ATP5F1B: variants seen among roughly 807,000 people sequenced by gnomAD.
The protein encoded by ATP5F1B is ATP synthase F1 subunit beta.
Under a neutral mutation model 45.9 loss-of-function variants are expected in ATP5F1B, and 17 were observed. That is an observed-to-expected ratio of 0.37 (90% CI 0.25 to 0.56). The LOEUF is 0.56. ATP5F1B is among the 20% of genes least tolerant of loss of function. The pLI, the probability that ATP5F1B is intolerant of heterozygous loss-of-function variation, is 0.80. For missense variants in ATP5F1B, 387 were observed against 673.2 expected, an observed-to-expected ratio of 0.57 and a Z score of 4.70; for synonymous variants, 218 against 256.5, an observed-to-expected ratio of 0.85 and a Z score of 1.43.
At position 56,640,033 on chromosome 12, in the gene ATP5F1B, T is replaced by C. The variant is rs1051700160; in HGVS notation, c.1234A>G (p.Ile412Val). 1.2e-6 allele frequency: 2 copies of C among 1,613,782 alleles called. No individual in the cohort carries two copies. The highest frequency in any genetic ancestry group is 1.7e-6 in the Non-Finnish European group (2 of 1,179,976). ...DSTSRIMDPN[I>V]VGSEHYDVAR... ...ACATCGTAATGCTCACTGCCAACAA[T>C]GTTGGGATCCATGATACGAGAGGTG... The change falls in exon 8 of 10, where the codon ATT (isoleucine) becomes GTT (valine). Residue 412 changes from isoleucine (I) to valine (V), a missense_variant. Coordinates refer to ENST00000262030, the MANE Select transcript of ATP5F1B (RefSeq NM_001686.4).
In ATP5F1B at chr12:56,639,305, G is replaced by A. The variant is rs1171663091; in HGVS notation, c.1290C>T (p.Asp430=). 6.2e-7 allele frequency: 1 copy of A among 1,612,492 alleles called. No individual in the cohort carries two copies. The highest frequency in any genetic ancestry group is 8.5e-7 in the Non-Finnish European group (1 of 1,179,314). The change falls in exon 9 of 10, where the codon GAC becomes GAT. Residue 430 remains aspartate (D), a splice_region_variant and synonymous_variant. Coordinates refer to ENST00000262030, the MANE Select transcript of ATP5F1B (RefSeq NM_001686.4). ...CAATGATATCCTGGAGGGATTTGTAGTCCTATGAGAAAAAAGAAGACTGAG... is the reference window on the plus strand; with the variant it reads ...CAATGATATCCTGGAGGGATTTGTAATCCTATGAGAAAAAAGAAGACTGAG... ...VARGVQKILQ[D]YKSLQDIIAI... is the part of the protein sequence containing the mutation.
chr12:56,642,551 A>C lies in ATP5F1B; in HGVS notation c.981T>G (p.Ser327=). The change falls in exon 7 of 10, where the codon TCT becomes TCG. Residue 327 remains serine (S), a synonymous_variant. Coordinates refer to ENST00000262030, the MANE Select transcript of ATP5F1B (RefSeq NM_001686.4). Reference sequence around the variant, plus strand: ...CCAGGGTAGGCTGATAGCCCACAGCAGAAGGGATTCGGCCCAATAATGCAG... The same window carrying C: ...CCAGGGTAGGCTGATAGCCCACAGCCGAAGGGATTCGGCCCAATAATGCAG... ...EVSALLGRIP[S]AVGYQPTLAT... is the part of the protein sequence containing the mutation. 1 of 1,614,194 alleles carries C rather than the reference A, an allele frequency of 6.2e-7. No individual in the cohort carries two copies. Among genetic ancestry groups the C allele is most frequent in the Non-Finnish European group, 8.5e-7 (1 of 1,180,038 alleles).
In ATP5F1B at chr12:56,643,497, AAC is replaced by A. The variant is rs1391482711; in HGVS notation, c.696_697del (p.Phe233CysfsTer5). On this transcript the variant is annotated frameshift_variant, in exon 5 of 10. Coordinates refer to ENST00000262030, the MANE Select transcript of ATP5F1B (RefSeq NM_001686.4). LOFTEE classifies it high-confidence loss of function. Reference sequence around the variant, plus strand: ...ACGGGTCCTCTCACCAACACCAGCAAACACAGAGTAACCACCATGGGCTTTGG... The same window carrying A: ...ACGGGTCCTCTCACCAACACCAGCAAACAGAGTAACCACCATGGGCTTTGG... 1 of 1,614,152 alleles carries A rather than the reference AAC, an allele frequency of 6.2e-7. No homozygotes were observed. Among genetic ancestry groups the A allele is most frequent in the Non-Finnish European group, 8.5e-7 (1 of 1,180,016 alleles).
chr12:56,640,248 TG>T (rs1951502181), intron 7 of ATP5F1B, 56 bp from the exon 8 acceptor site: 1 of 1,366,242 alleles, frequency 7.3e-7, no homozygotes, highest in African/African-American at 1.4e-5. Flanking sequence ...TTTTTTTTTT[TG>T]AGAGGGTCTC....
At chr12:56,641,473 G>A (rs1329696583) in intron 7 of ATP5F1B, among the ~76,000 whole-genome samples, 1 of 151,382 alleles carries the variant, frequency 6.6e-6, no homozygotes, top group Non-Finnish European at 1.5e-5. Flanking sequence ...TTTACTATAT[G>A]TAAAATTTAT....
In ATP5F1B at chr12:56,645,299, C is replaced by A; in HGVS notation, c.182G>T (p.Gly61Val). The A allele has an allele frequency of 6.2e-7, 1 of 1,614,208 alleles. No homozygotes were observed. The highest frequency in any genetic ancestry group is 8.5e-7 in the Non-Finnish European group (1 of 1,180,018). Residue 61 changes from glycine (G) to valine (V), a missense_variant, in exon 2 of 10, where the codon GGG (glycine) becomes GTG (valine). Transcript: ENST00000262030. The part of the protein sequence containing the change: ...SPSPKAGAAT[G>V]RIVAVIGAVV... ...TGCGCCAATGACCGCCACGATGCGCCCGGTGGCGGCGCCTGCTTTTGGCGA... is the reference window on the plus strand; with the variant it reads ...TGCGCCAATGACCGCCACGATGCGCACGGTGGCGGCGCCTGCTTTTGGCGA...
At position 56,639,284 on chromosome 12, in the gene ATP5F1B, G is replaced by T. The variant is rs1412531586; in HGVS notation, c.1311C>A (p.Ile437=). The T allele has an allele frequency of 1.2e-6, 2 of 1,613,724 alleles. No homozygotes were observed. The highest frequency in any genetic ancestry group is 1.7e-5 in the Admixed American group (1 of 60,024). Residue 437 remains isoleucine, a synonymous_variant, in exon 9 of 10, where the codon ATC becomes ATA. Coordinates refer to ENST00000262030, the MANE Select transcript of ATP5F1B (RefSeq NM_001686.4). ...GTTCATCCATACCCAGGATGGCAAT[G>T]ATATCCTGGAGGGATTTGTAGTCCT... is the stretch of plus-strand genomic sequence containing the variant. The part of the protein sequence containing the change: ...ILQDYKSLQD[I]IAILGMDELS...
At chr12:56,645,813 T>C in intron 1 of ATP5F1B, 24 bp downstream of exon 1, 2 of 1,604,226 alleles carry the variant, frequency 1.2e-6, no homozygotes, top group South Asian at 2.2e-5. Flanking sequence ...AATGGAACGT[T>C]AGCTCCTAGA....
At chr12:56,643,985 T>G in intron 3 of ATP5F1B, 27 bp from the exon 4 acceptor site, 3 of 1,608,462 alleles carry the variant, frequency 1.9e-6, no homozygotes, top group Non-Finnish European at 2.5e-6. Context: ...GAGGATAGTA[T>G]CTATTCACCT....
rs1327409382 is a variant in ATP5F1B at position 56,645,982 on chromosome 12, A to C, written c.-19T>G. On this transcript the variant is annotated 5_prime_UTR_variant, in exon 1 of 10. Coordinates refer to ENST00000262030, the MANE Select transcript of ATP5F1B (RefSeq NM_001686.4). ...CCAACATGGCGTAGTCCGGGTGGAG[A>C]CTGAAGGCTGCAGCAACCGCAGCCG... 2.5e-6 allele frequency: 4 copies of C among 1,585,422 alleles called. No individual in the cohort carries two copies. The highest frequency in any genetic ancestry group is 3.4e-6 in the Non-Finnish European group (4 of 1,166,398).
chr12:56,641,851 C>T (rs1039863785), intron 7 of ATP5F1B, among the ~76,000 whole-genome samples: 2 of 151,858 alleles, frequency 1.3e-5, no homozygotes, highest in African/African-American at 4.8e-5. Flanking sequence ...GTGCCCGGCC[C>T]CAAAGTGCTG....
chr12:56,639,858 T>C, intron 8 of ATP5F1B, 122 bp downstream of exon 8: 1 of 968,916 alleles, frequency 1.0e-6, no homozygotes, highest in South Asian at 1.6e-5. Context: ...TCACTAGCAA[T>C]TGCCAGCCTC....
At chr12:56,640,331 C>CA (rs1409908825) in intron 7 of ATP5F1B, 139 bp from the exon 8 acceptor site, 2 of 690,522 alleles carry the variant, frequency 2.9e-6, no homozygotes, top group Non-Finnish European at 4.7e-6. Context: ...TGGATTCAAG[C>CA]AATTCTCTGT....
chr12:56,642,828 C>T lies in ATP5F1B; in HGVS notation c.796G>A (p.Ala266Thr), dbSNP rs1286021262. 16 of 1,614,008 alleles carry T rather than the reference C, an allele frequency of 9.9e-6. No homozygotes were observed. Among genetic ancestry groups the T allele is most frequent in the Admixed American group, 1.7e-5 (1 of 60,002 alleles). ...TCATTCATTTGACCATATACCAGCG[C>T]TACCTGCAGTAATCATACATAATCG... is the stretch of plus-strand genomic sequence containing the variant. ...INLKDATSKV[A>T]LVYGQMNEPP... Residue 266 changes from alanine to threonine, a missense_variant, in exon 6 of 10, where the codon GCG (alanine) becomes ACG (threonine). Coordinates refer to ENST00000262030, the MANE Select transcript of ATP5F1B (RefSeq NM_001686.4).
Position 56,639,228 on chromosome 12 carries a change from C to A in ATP5F1B, c.1367G>T (p.Arg456Leu). The change falls in exon 9 of 10, where the codon CGT becomes CTT. Residue 456 changes from arginine (R) to leucine (L), a missense_variant. By Grantham distance (102) the Arg-to-Leu change is moderately radical. Transcript: ENST00000262030. ...CAAGAAACGCTGTATTTTCCGTGCA[C>A]GGGACACGGTCAACTTGTCTTCCTC... ...LSEEDKLTVS[R>L]ARKIQRFLSQ... 6.2e-7 allele frequency: 1 copy of A among 1,614,098 alleles called. No homozygotes were observed. The highest frequency in any genetic ancestry group is 8.5e-7 in the Non-Finnish European group (1 of 1,180,022).
chr12:56,645,215 T>C lies in ATP5F1B; in HGVS notation c.266A>G (p.Gln89Arg). The change falls in exon 2 of 10, where the codon CAA (glutamine) becomes CGA (arginine). Residue 89 changes from glutamine (Q) to arginine (R), a missense_variant. Gln to Arg is a conservative substitution (Grantham distance 43). Transcript: ENST00000262030. ...LPPILNALEV[Q>R]GRETRLVLEV... ...CAAAACCAGTCTGGTCTCCCTGCCT[T>C]GCACTTCCAGGGCATTTAGAATTGG... 6.2e-7 allele frequency: 1 copy of C among 1,614,224 alleles called. No homozygotes were observed. Among genetic ancestry groups the C allele is most frequent in the East Asian group, 2.2e-5 (1 of 44,890 alleles).
chr12:56,642,283 A>G (rs1951518079), intron 7 of ATP5F1B, among the ~76,000 whole-genome samples, 175 bp downstream of exon 7: 1 of 152,000 alleles, frequency 6.6e-6, no homozygotes, highest in African/African-American at 2.4e-5. Context: ...GGCATGAACC[A>G]CCACGCCTGG....
intron 2 of ATP5F1B, 25 bp downstream of exon 2, chr12:56,645,146 A>G: frequency 6.2e-7 from 1 of 1,613,994 alleles, no homozygotes; most frequent in Non-Finnish European, 8.5e-7. Context: ...CAAGGTCTTT[A>G]CTATTCCTAA....
rs758351439 is a variant in ATP5F1B at position 56,645,951 on chromosome 12, C to A, written c.13G>T (p.Val5Leu). The change falls in exon 1 of 10, where the codon GTG becomes TTG. Residue 5 changes from valine (V) to leucine (L), a missense_variant. Val to Leu is a conservative substitution (Grantham distance 32). This residue lies in a region of ATP5F1B where 76 missense variants were observed against 62.0 expected (regional missense o/e 1.23). Transcript: ENST00000262030. Reference protein sequence around the residue: MLGFVGRVAAAPASG... With the variant: MLGFLGRVAAAPASG... ...GCCGGAGCAGCGGCCACCCGACCCACAAACCCCAACATGGCGTAGTCCGGG... is the reference window on the plus strand; with the variant it reads ...GCCGGAGCAGCGGCCACCCGACCCAAAAACCCCAACATGGCGTAGTCCGGG... The A allele has an allele frequency of 3.7e-6, 6 of 1,604,332 alleles. No individual in the cohort carries two copies. In the South Asian group the frequency reaches 5.6e-5, roughly 15 times the overall value.
Sources: gnomAD v4.1 joint callset for allele counts (sites outside exome capture counted in the v4.1 genomes callset) on GRCh38, gnomAD v4.1.1 for gene constraint, gnomAD v4.1.1 regional missense constraint, MANE v1.5 for transcripts, NCBI Gene and HGNC (gene_info 2026-07-23, HGNC 2026-07-21) for gene names.